The following LRBA variants were observed in gnomAD, a reference collection of about 807,000 sequenced individuals.
LRBA encodes LPS responsive beige-like anchor protein.
Under a neutral mutation model 330.0 loss-of-function variants are expected in LRBA, and 176 were observed. The ratio of observed to expected loss-of-function variants is 0.53; its 90% CI spans 0.47 to 0.60. The LOEUF is 0.60. LRBA is among the 20% of genes least tolerant of loss of function. The pLI, the probability that LRBA is intolerant of heterozygous loss-of-function variation, is 0.00. For missense variants in LRBA, 3,259 were observed against 3,444.8 expected (o/e 0.95, Z 1.35); for synonymous variants, 1,230 against 1,193.0 (o/e 1.03, Z -0.64).
chr4:150,342,539 G>A (rs571029555), intron 48 of LRBA, among the ~76,000 whole-genome samples: 34 of 152,114 alleles, frequency 2.2e-4, no homozygotes, highest in Non-Finnish European at 4.6e-4. Flanking sequence ...TAACCCAGCT[G>A]TTTTCTAAAA....
chr4:150,295,467 G>GATT (rs1728870560), intron 53 of LRBA, among the ~76,000 whole-genome samples: 1 of 152,048 alleles, frequency 6.6e-6, no homozygotes, highest in African/African-American at 2.4e-5. Flanking sequence ...AAAATGCTAG[G>GATT]ATTATAGGCA....
intron 2 of LRBA, among the ~76,000 whole-genome samples, chr4:150,938,721 T>C (rs185076449): frequency 7.2e-5 from 11 of 152,270 alleles, no homozygotes; most frequent in African/African-American, 2.2e-4. Flanking sequence ...GTGTCTTATG[T>C]TGAAGATAAA....
rs570049098 is a variant in LRBA at position 150,957,739 on chromosome 4, C to T, written c.217-28674G>A. On this transcript the variant is annotated intron_variant, in intron 2 of 56. Transcript: ENST00000651943. ...TGCCTGGATACAATGGGGGTACAGGCATTGGGTAAATACACTCATTCCAAA... is the reference window on the plus strand; with the variant it reads ...TGCCTGGATACAATGGGGGTACAGGTATTGGGTAAATACACTCATTCCAAA... 1.5e-4 allele frequency among the ~76,000 whole-genome samples: 22 copies of T among 149,210 alleles called. 3 individuals carry two copies. Among genetic ancestry groups the T allele is most frequent in the African/African-American group, 4.7e-4 (18 of 38,632 alleles).
At chr4:150,789,645 A>C (rs1358013895) in intron 34 of LRBA, among the ~76,000 whole-genome samples, 1 of 152,174 alleles carries the variant, frequency 6.6e-6, no homozygotes, top group Non-Finnish European at 1.5e-5. Context: ...ACTATTCATC[A>C]AAAACTATAT....
chr4:150,345,775 G>A (rs1039014547), intron 48 of LRBA, among the ~76,000 whole-genome samples: 3 of 152,050 alleles, frequency 2.0e-5, no homozygotes, highest in African/African-American at 7.2e-5. Context: ...ACTGGTAAAT[G>A]GTATGAAAAG....
intron 47 of LRBA, among the ~76,000 whole-genome samples, chr4:150,397,556 A>G (rs1294304937): frequency 6.6e-6 from 1 of 152,192 alleles, no homozygotes; most frequent in Admixed American, 6.6e-5. Context: ...GGGATTATAG[A>G]TATGTGCCAC....
intron 44 of LRBA, among the ~76,000 whole-genome samples, chr4:150,443,853 A>AAAAAAAATATATATATATAT (rs70941406): frequency 1.3e-5 from 1 of 75,470 alleles, no homozygotes; most frequent in Admixed American, 1.4e-4. Flanking sequence ...TAATTAAAAA[A>AAAAAAAATATATATATATAT]ATATATATAT....
chr4:150,587,720 T>C (rs1301269745), intron 40 of LRBA, among the ~76,000 whole-genome samples: 1 of 151,952 alleles, frequency 6.6e-6, no homozygotes, highest in Non-Finnish European at 1.5e-5. Context: ...CCACTCTCAA[T>C]CTCACTGAAT....
chr4:150,901,261 T>C (rs1730695339), intron 13 of LRBA, among the ~76,000 whole-genome samples: 1 of 151,870 alleles, frequency 6.6e-6, no homozygotes, highest in Admixed American at 6.6e-5. Flanking sequence ...AGAGCACCAC[T>C]GCACTCCAGC....
chr4:150,309,054 C>T (rs1416603013), intron 52 of LRBA, among the ~76,000 whole-genome samples: 1 of 152,152 alleles, frequency 6.6e-6, no homozygotes, highest in Non-Finnish European at 1.5e-5. Context: ...TCCAGTCCTG[C>T]AAGCTTCATT....
intron 40 of LRBA, among the ~76,000 whole-genome samples, chr4:150,586,312 G>C (rs1022721325): frequency 6.6e-6 from 1 of 151,864 alleles, no homozygotes; most frequent in Non-Finnish European, 1.5e-5. Flanking sequence ...AACTATTCCA[G>C]AAAAAAAGTT....
At chr4:150,638,447 C>A (rs923266307) in intron 37 of LRBA, among the ~76,000 whole-genome samples, 5 of 152,134 alleles carry the variant, frequency 3.3e-5, no homozygotes, top group African/African-American at 1.2e-4. Flanking sequence ...AGATTTCTCA[C>A]CTATATTTAT....
At chr4:150,266,474 T>C (rs1745352512) in intron 56 of LRBA, among the ~76,000 whole-genome samples, 1 of 152,060 alleles carries the variant, frequency 6.6e-6, no homozygotes, top group Non-Finnish European at 1.5e-5. Context: ...GGGAAAGAGA[T>C]GGAGAACATA....
chr4:150,766,704 A>G (rs896622435), intron 34 of LRBA, among the ~76,000 whole-genome samples: 2 of 152,178 alleles, frequency 1.3e-5, no homozygotes, highest in Non-Finnish European at 2.9e-5. Context: ...TTACAATTAT[A>G]CAGTGATGCA....
At chr4:150,917,724 C>T (rs1008314281) in intron 5 of LRBA, among the ~76,000 whole-genome samples, 2 of 151,886 alleles carry the variant, frequency 1.3e-5, no homozygotes, top group Non-Finnish European at 2.9e-5. Context: ...GTCAGGAGTT[C>T]GAGACCAGCC....
At chr4:150,647,372 T>TC (rs1554072201) in intron 37 of LRBA, among the ~76,000 whole-genome samples, 1 of 144,160 alleles carries the variant, frequency 6.9e-6, no homozygotes, top group Non-Finnish European at 1.5e-5. Flanking sequence ...TTTTTTTTTT[T>TC]TTTGAGACAG....
intron 37 of LRBA, among the ~76,000 whole-genome samples, chr4:150,633,435 C>T (rs1777574436): frequency 6.6e-6 from 1 of 152,208 alleles, no homozygotes; most frequent in African/African-American, 2.4e-5. Flanking sequence ...GGCTGACACA[C>T]TACTGAATAG....
chr4:150,427,962 C>T (rs72955844), intron 46 of LRBA, among the ~76,000 whole-genome samples: 35 of 151,946 alleles, frequency 2.3e-4, no homozygotes, highest in African/African-American at 8.4e-4. Context: ...AGATTGCAGA[C>T]CTCTGGGATT....
At chr4:150,545,207 A>G (rs930462783) in intron 40 of LRBA, among the ~76,000 whole-genome samples, 2 of 152,218 alleles carry the variant, frequency 1.3e-5, no homozygotes, top group African/African-American at 4.8e-5. Context: ...AATCTCAGTT[A>G]AAAATAATGC....
Sources: allele counts gnomAD v4.1 joint callset (sites outside exome capture counted in the v4.1 genomes callset), GRCh38; gene constraint gnomAD v4.1.1; transcripts MANE v1.5; gene names NCBI Gene and HGNC (gene_info 2026-07-23, HGNC 2026-07-21).